Variants in MARCHF5 observed in about 807,000 individuals in gnomAD.
MARCHF5 encodes membrane associated ring-CH-type finger 5, also known as E3 ubiquitin-protein ligase MARCHF5.
MARCHF5 carries 5 observed loss-of-function variants against 36.5 expected under a neutral mutation model. The observed-to-expected ratio is 0.14, with a 90% CI of 0.07 to 0.29. MARCHF5 has a LOEUF of 0.29. Ranked by LOEUF, MARCHF5 falls within the 10% of genes least tolerant of loss-of-function variation. The probability of loss-of-function intolerance (pLI) is 1.00; values close to 1 mark genes in which losing one functional copy is unlikely to be tolerated. For missense variants in MARCHF5, 179 were observed against 336.3 expected (o/e 0.53, Z 3.66); for synonymous variants, 103 against 109.9 (o/e 0.94, Z 0.39).
At chr10:92,309,694 A>G (rs1843122361) in intron 1 of MARCHF5, among the ~76,000 whole-genome samples, 1 of 152,176 alleles carries the variant, frequency 6.6e-6, no homozygotes. Context: ...TGCAAAAATC[A>G]TAGGTTAGAA....
chr10:92,319,256 G>A (rs1388715843), intron 2 of MARCHF5, among the ~76,000 whole-genome samples: 2 of 151,734 alleles, frequency 1.3e-5, no homozygotes, highest in African/African-American at 4.8e-5. Flanking sequence ...CATAATGCTT[G>A]GTAATAAATG....
At chr10:92,330,730 C>T (rs1478271572) in intron 2 of MARCHF5, among the ~76,000 whole-genome samples, 1 of 152,166 alleles carries the variant, frequency 6.6e-6, no homozygotes, top group East Asian at 1.9e-4. Context: ...GACACAAGAT[C>T]GTTACTACGT....
intron 1 of MARCHF5, among the ~76,000 whole-genome samples, chr10:92,294,010 G>A (rs1020384673): frequency 6.6e-6 from 1 of 152,036 alleles, no homozygotes; most frequent in Non-Finnish European, 1.5e-5. Flanking sequence ...GAATTACCTG[G>A]GGAGCATTTC....
Position 92,339,664 on chromosome 10 carries a change from C to G in MARCHF5, c.239-1009C>G, listed in dbSNP as rs189907126. ...CAACCTGGGCGACAGAGCGAGACTC[C>G]ATCTCAAAAAAAAATAAAAATAATA... On this transcript the variant is annotated intron_variant, in intron 2 of 5. Transcript: ENST00000358935. 7.0e-4 allele frequency among the ~76,000 whole-genome samples: 106 copies of G among 151,642 alleles called. No homozygotes were observed. In the East Asian group the frequency reaches 0.015, roughly 21 times the overall value.
rs10552774 is a variant in MARCHF5 at position 92,351,901 on chromosome 10, C to CGT, written c.*731_*732dup. 0.032 allele frequency: 4,540 copies of CGT among 141,294 alleles called. 154 individuals carry two copies. The highest frequency in any genetic ancestry group is 0.082 in the African/African-American group (3,154 of 38,488). The allele number at this position is 141,294 out of a possible 1,614,324, so 8.8% of individuals were successfully genotyped here. On this transcript the variant is annotated 3_prime_UTR_variant, in exon 6 of 6. Coordinates refer to ENST00000358935, the MANE Select transcript of MARCHF5 (RefSeq NM_017824.5). Reference sequence around the variant, plus strand: ...ATGAAGTAATTTTGACTCATGCAGTCGTGTGTGTGTGTGTGTGTGTGTGTG... The same window carrying CGT: ...ATGAAGTAATTTTGACTCATGCAGTCGTGTGTGTGTGTGTGTGTGTGTGTGTG...
intron 2 of MARCHF5, among the ~76,000 whole-genome samples, chr10:92,314,901 A>C (rs1773291543): frequency 6.6e-6 from 1 of 152,074 alleles, no homozygotes; most frequent in Admixed American, 6.5e-5. Flanking sequence ...CATTCTTAAC[A>C]TGCTGAAGAT....
chr10:92,329,553 C>T (rs1268307535), intron 2 of MARCHF5, among the ~76,000 whole-genome samples: 2 of 152,168 alleles, frequency 1.3e-5, no homozygotes, highest in Non-Finnish European at 1.5e-5. Flanking sequence ...GGCCTTCTGT[C>T]ACTCACATGA....
At chr10:92,312,201 A>T (rs1294431620) in intron 2 of MARCHF5, among the ~76,000 whole-genome samples, 1 of 152,238 alleles carries the variant, frequency 6.6e-6, no homozygotes, top group Non-Finnish European at 1.5e-5. Context: ...ATTGTTTTTT[A>T]TAAGTGCTAT....
intron 2 of MARCHF5, among the ~76,000 whole-genome samples, chr10:92,317,538 G>A (rs1040023275): frequency 6.6e-6 from 1 of 151,622 alleles, no homozygotes; most frequent in Non-Finnish European, 1.5e-5. Flanking sequence ...TTTGTTTTTA[G>A]ATTGTTTAAG....
At chr10:92,333,182 GAAAA>G (rs201275153) in intron 2 of MARCHF5, among the ~76,000 whole-genome samples, 7 of 127,340 alleles carry the variant, frequency 5.5e-5, no homozygotes, top group Non-Finnish European at 1.0e-4. Flanking sequence ...AAAAAAAAAA[GAAAA>G]AAAAAATTCA....
chr10:92,320,416 C>T (rs936554095), intron 2 of MARCHF5, among the ~76,000 whole-genome samples: 5 of 151,944 alleles, frequency 3.3e-5, no homozygotes, highest in Non-Finnish European at 7.4e-5. Context: ...GTAAAACAGC[C>T]TCAGGCATAT....
At chr10:92,325,326 G>A (rs1303996636) in intron 2 of MARCHF5, among the ~76,000 whole-genome samples, 2 of 152,174 alleles carry the variant, frequency 1.3e-5, no homozygotes, top group African/African-American at 4.8e-5. Context: ...CTGGGCAACA[G>A]AGTAAAACCT....
At chr10:92,331,109 GA>G (rs150490404) in intron 2 of MARCHF5, among the ~76,000 whole-genome samples, 18,221 of 151,708 alleles carry the variant, frequency 0.12, 1,409 homozygotes, top group Middle Eastern at 0.22. Context: ...TATGTTTAAA[GA>G]AAAAAAGACT....
At chr10:92,304,000 G>T (rs1211793893) in intron 1 of MARCHF5, among the ~76,000 whole-genome samples, 1 of 152,170 alleles carries the variant, frequency 6.6e-6, no homozygotes, top group Non-Finnish European at 1.5e-5. Context: ...AGTAACATCA[G>T]CAAGTAGGTG....
At chr10:92,305,669 G>GA (rs1292371390) in intron 1 of MARCHF5, among the ~76,000 whole-genome samples, 4 of 152,146 alleles carry the variant, frequency 2.6e-5, no homozygotes, top group African/African-American at 9.7e-5. Flanking sequence ...AAAACAAGAG[G>GA]AAAAATAGAT....
intron 3 of MARCHF5, among the ~76,000 whole-genome samples, chr10:92,342,031 C>T (rs1843586258): frequency 6.6e-6 from 1 of 151,966 alleles, no homozygotes; most frequent in African/African-American, 2.4e-5. Context: ...TCAAGTGATC[C>T]TCCCACTTCA....
At chr10:92,329,066 C>T (rs1832123421) in intron 2 of MARCHF5, among the ~76,000 whole-genome samples, 1 of 151,986 alleles carries the variant, frequency 6.6e-6, no homozygotes, top group Non-Finnish European at 1.5e-5. Context: ...AAAACATTGT[C>T]ACTCTAATGT....
intron 2 of MARCHF5, among the ~76,000 whole-genome samples, chr10:92,321,522 G>A (rs192657566): frequency 6.6e-6 from 1 of 152,172 alleles, no homozygotes; most frequent in Non-Finnish European, 1.5e-5. Flanking sequence ...GTATTGGTCT[G>A]TAGTTCTTTT....
At chr10:92,343,830 A>C (rs1843608745) in intron 3 of MARCHF5, among the ~76,000 whole-genome samples, 1 of 152,234 alleles carries the variant, frequency 6.6e-6, no homozygotes, top group Non-Finnish European at 1.5e-5. Flanking sequence ...CTGCTTCCCA[A>C]AGTGCTGGGA....
Sources: allele counts gnomAD v4.1 joint callset (sites outside exome capture counted in the v4.1 genomes callset), GRCh38; gene constraint gnomAD v4.1.1; transcripts MANE v1.5; gene names NCBI Gene and HGNC (gene_info 2026-07-23, HGNC 2026-07-21).